The following ADGRB3 variants were observed in gnomAD, a reference collection of about 807,000 sequenced individuals.
The protein encoded by ADGRB3 is brain-specific angiogenesis inhibitor 3.
Under a neutral mutation model 193.4 loss-of-function variants are expected in ADGRB3, and 37 were observed. The observed-to-expected ratio is 0.19, with a 90% CI of 0.15 to 0.25. ADGRB3 has a LOEUF of 0.25. Among genes scored for constraint, ADGRB3 ranks in the 10% least tolerant of loss-of-function variants. The pLI is 1.00. For synonymous variants in ADGRB3, 690 were observed against 644.2 expected, an observed-to-expected ratio of 1.07 and a Z score of -1.08; for missense variants, 1,637 against 1,852.9, an observed-to-expected ratio of 0.88 and a Z score of 2.14.
At chr6:68,652,300 T>A (rs4708231) in intron 3 of ADGRB3, among the ~76,000 whole-genome samples, 28,026 of 152,150 alleles carry the variant, frequency 0.18, 2,754 homozygotes, top group South Asian at 0.3. Flanking sequence ...GAAGGCAAGC[T>A]GTCTTTAAGC....
chr6:69,253,685 T>C (rs890783476), intron 20 of ADGRB3, among the ~76,000 whole-genome samples: 2 of 152,176 alleles, frequency 1.3e-5, no homozygotes, highest in Non-Finnish European at 2.9e-5. Context: ...CTTGCTCTTA[T>C]TGTCTTTCAA....
chr6:68,995,841 T>A (rs1769369561), intron 11 of ADGRB3, among the ~76,000 whole-genome samples: 1 of 152,180 alleles, frequency 6.6e-6, no homozygotes, highest in Non-Finnish European at 1.5e-5. Context: ...GAACTCCAGA[T>A]GACCAACCCC....
chr6:68,947,539 A>G (rs546966788), intron 6 of ADGRB3, among the ~76,000 whole-genome samples: 1 of 152,248 alleles, frequency 6.6e-6, no homozygotes, highest in Admixed American at 6.6e-5. Context: ...CCAAAATTTA[A>G]AGGACATTTT....
intron 17 of ADGRB3, among the ~76,000 whole-genome samples, chr6:69,092,669 G>A (rs1466609035): frequency 2.6e-5 from 4 of 152,108 alleles, no homozygotes; most frequent in Non-Finnish European, 4.4e-5. Flanking sequence ...AAACAGGAAC[G>A]TAAAGAGACG....
At chr6:69,049,682 A>G (rs1335179056) in intron 15 of ADGRB3, among the ~76,000 whole-genome samples, 2 of 152,164 alleles carry the variant, frequency 1.3e-5, no homozygotes, top group Non-Finnish European at 2.9e-5. Flanking sequence ...TTCTCCCTTT[A>G]GTTGTACTTA....
At chr6:68,886,009 T>C (rs966954851) in intron 3 of ADGRB3, among the ~76,000 whole-genome samples, 41 of 152,090 alleles carry the variant, frequency 2.7e-4, no homozygotes, top group African/African-American at 9.9e-4. Context: ...GGGTAATTAT[T>C]TGGATATAGA....
chr6:68,834,234 G>A (rs1768006961), intron 3 of ADGRB3, among the ~76,000 whole-genome samples: 1 of 151,966 alleles, frequency 6.6e-6, no homozygotes, highest in Non-Finnish European at 1.5e-5. Flanking sequence ...AGTTTCTTGA[G>A]GTTCCCAATG....
chr6:69,382,970 A>G (rs1489056624), intron 31 of ADGRB3, 35 bp downstream of exon 31: 3 of 1,390,210 alleles, frequency 2.2e-6, no homozygotes, highest in Admixed American at 1.8e-5. Flanking sequence ...TGAGTAGAAG[A>G]TGCATCATGT....
intron 3 of ADGRB3, among the ~76,000 whole-genome samples, chr6:68,675,696 G>T (rs72897169): frequency 6.6e-6 from 1 of 152,082 alleles, no homozygotes. Flanking sequence ...AGTTTTCATC[G>T]CCAGGGCACC....
At chr6:68,891,702 C>A (rs573231995) in intron 3 of ADGRB3, among the ~76,000 whole-genome samples, 1 of 152,122 alleles carries the variant, frequency 6.6e-6, no homozygotes, top group Non-Finnish European at 1.5e-5. Flanking sequence ...TTGAATTTAA[C>A]CCACCTTCAT....
At chr6:68,654,542 G>A (rs1188859715) in intron 3 of ADGRB3, among the ~76,000 whole-genome samples, 3 of 151,808 alleles carry the variant, frequency 2.0e-5, no homozygotes, top group Non-Finnish European at 4.4e-5. Context: ...CAGGGATGGA[G>A]TGAATTATCA....
intron 3 of ADGRB3, among the ~76,000 whole-genome samples, chr6:68,911,002 G>A (rs1039023583): frequency 3.3e-5 from 5 of 151,972 alleles, no homozygotes; most frequent in Admixed American, 1.3e-4. Flanking sequence ...TGGGCAGTAT[G>A]GCCATTTTCA....
intron 17 of ADGRB3, among the ~76,000 whole-genome samples, chr6:69,100,371 A>C (rs1295361150): frequency 6.6e-6 from 1 of 151,890 alleles, no homozygotes; most frequent in Non-Finnish European, 1.5e-5. Flanking sequence ...ATCAAAAAAC[A>C]TATGTTCCAA....
intron 16 of ADGRB3, among the ~76,000 whole-genome samples, chr6:69,065,017 A>G (rs1420705521): frequency 6.6e-6 from 1 of 152,182 alleles, no homozygotes; most frequent in African/African-American, 2.4e-5. Flanking sequence ...ATAGTCAACA[A>G]ATTTTATTAA....
chr6:69,203,478 A>T (rs534604090), intron 17 of ADGRB3, among the ~76,000 whole-genome samples: 1 of 151,428 alleles, frequency 6.6e-6, no homozygotes, highest in East Asian at 1.9e-4. Flanking sequence ...CCCATATTTA[A>T]TTATACTAAG....
chr6:69,009,756 TGACTCTTAG>T (rs1303655600), intron 11 of ADGRB3, among the ~76,000 whole-genome samples: 3 of 152,126 alleles, frequency 2.0e-5, no homozygotes, highest in African/African-American at 7.2e-5. Context: ...TTACTAAATC[TGACTCTTAG>T]GGCTTGTCTT....
At chr6:69,359,186 AG>A (rs1311868302) in intron 28 of ADGRB3, among the ~76,000 whole-genome samples, 3 of 151,806 alleles carry the variant, frequency 2.0e-5, no homozygotes, top group African/African-American at 7.2e-5. Flanking sequence ...TATACAATTA[AG>A]GGTTAAAAGT....
intron 17 of ADGRB3, among the ~76,000 whole-genome samples, chr6:69,125,204 T>G (rs900172621): frequency 6.6e-6 from 1 of 152,320 alleles, no homozygotes; most frequent in South Asian, 2.1e-4. Flanking sequence ...TTATATCATT[T>G]GCAGAAGTCC....
chr6:69,173,718 A>T (rs796806676), intron 17 of ADGRB3, among the ~76,000 whole-genome samples: 11 of 152,180 alleles, frequency 7.2e-5, no homozygotes, highest in African/African-American at 2.7e-4. Flanking sequence ...AGCAGGACCT[A>T]GAGGGAATGG....
Sources: gnomAD v4.1 joint callset for allele counts (sites outside exome capture counted in the v4.1 genomes callset) on GRCh38, gnomAD v4.1.1 for gene constraint, MANE v1.5 for transcripts, NCBI Gene and HGNC (gene_info 2026-07-23, HGNC 2026-07-21) for gene names.